The following PPP2R3B variants were observed in gnomAD, a reference collection of about 807,000 sequenced individuals.
PPP2R3B encodes serine/threonine-protein phosphatase 2A regulatory subunit B'' subunit beta.
Under a neutral mutation model 72.9 loss-of-function variants are expected in PPP2R3B, and 68 were observed. The ratio of observed to expected loss-of-function variants is 0.93; its 90% CI spans 0.77 to 1.14. PPP2R3B has a LOEUF of 1.14. Among genes scored for constraint, PPP2R3B ranks in the 50% most tolerant of loss-of-function variants. The pLI, the probability that PPP2R3B is intolerant of heterozygous loss-of-function variation, is 0.00. For synonymous variants in PPP2R3B, 466 were observed against 375.8 expected (o/e 1.24, Z -2.78); for missense variants, 1,018 against 842.0 (o/e 1.21, Z -2.59).
At chrX:346,639 G>C in intron 5 of PPP2R3B, 62 bp downstream of exon 5, 1 of 1,491,270 alleles carries the variant, frequency 6.7e-7, no homozygotes, top group Non-Finnish European at 9.2e-7. Flanking sequence ...GCCCCGCGGC[G>C]GCCGCTGCAG....
intron 1 of PPP2R3B, among the ~76,000 whole-genome samples, chrX:364,658 C>A (rs1233781651): frequency 7.7e-6 from 1 of 129,800 alleles, no homozygotes; most frequent in Non-Finnish European, 1.6e-5. Flanking sequence ...GCGGAGGTTG[C>A]AGTGAGCTGA....
chrX:335,499 C>T (rs189616336), intron 12 of PPP2R3B: 246 of 152,324 alleles, frequency 1.6e-3, no homozygotes, highest in Non-Finnish European at 2.9e-3. Context: ...AGGAATCGGA[C>T]GGGGCGGCTG....
chrX:346,422 C>A (rs1291996664), intron 5 of PPP2R3B, 162 bp from the exon 6 acceptor site: 1 of 695,738 alleles, frequency 1.4e-6, no homozygotes. Context: ...GGAGGCGCCG[C>A]CCCAGGCCGC....
intron 1 of PPP2R3B, chrX:362,423 A>G (rs1422452792): frequency 6.6e-6 from 1 of 152,530 alleles, no homozygotes; most frequent in East Asian, 1.9e-4. Context: ...ACCATCAACT[A>G]CTGAAGGGAC....
chrX:371,190 C>T (rs753210559), intron 1 of PPP2R3B, among the ~76,000 whole-genome samples: 7 of 152,206 alleles, frequency 4.6e-5, no homozygotes, highest in African/African-American at 7.2e-5. Flanking sequence ...AGCAGCTGCA[C>T]GGCCCCACTC....
At chrX:384,280 CTCTATA>C (rs1026646260) in intron 1 of PPP2R3B, among the ~76,000 whole-genome samples, 16 of 146,284 alleles carry the variant, frequency 1.1e-4, no homozygotes, top group South Asian at 2.1e-4. Context: ...CTCTCTCTCT[CTCTATA>C]TATATATATA....
chrX:382,329 C>G (rs1210010168), intron 1 of PPP2R3B, among the ~76,000 whole-genome samples: 1 of 151,850 alleles, frequency 6.6e-6, no homozygotes, highest in Non-Finnish European at 1.5e-5. Context: ...TCCAGAGTAG[C>G]TGGGATTACA....
At chrX:377,885 C>T (rs1453408230) in intron 1 of PPP2R3B, among the ~76,000 whole-genome samples, 1 of 107,554 alleles carries the variant, frequency 9.3e-6, no homozygotes, top group Non-Finnish European at 1.9e-5. Context: ...TGTCTATACA[C>T]TACTGTGTAC....
chrX:368,337 A>G (rs28437615), intron 1 of PPP2R3B, among the ~76,000 whole-genome samples: 8,370 of 46,870 alleles, frequency 0.18, 735 homozygotes, highest in African/African-American at 0.19. Flanking sequence ...GGGCACCGAC[A>G]CGGGGAAGGC....
Position 338,728 on chromosome X carries a change from G to GT in PPP2R3B, c.1471-19dup. The GT allele has an allele frequency of 6.2e-7, 1 of 1,611,742 alleles. No individual in the cohort carries two copies. The highest frequency in any genetic ancestry group is 8.5e-7 in the Non-Finnish European group (1 of 1,179,470). ...TCACCGTCCTGGAGGAAGCACACGG[G>GT]TTACGTACACGGCGTGGCGCGGCCC... is the stretch of plus-strand genomic sequence containing the variant. On this transcript the variant is annotated intron_variant, in intron 11 of 12. Coordinates refer to ENST00000390665, the MANE Select transcript of PPP2R3B (RefSeq NM_013239.5).
intron 7 of PPP2R3B, 141 bp downstream of exon 7, chrX:345,375 A>T: frequency 1.7e-6 from 2 of 1,176,424 alleles, no homozygotes. Flanking sequence ...CTGCAGACAC[A>T]GAGCGGCGAG....
Position 386,768 on chromosome X carries a change from G to C in PPP2R3B, c.-77C>G. 1.0e-6 allele frequency: 1 copy of C among 961,484 alleles called. No homozygotes were observed. The highest frequency in any genetic ancestry group is 1.3e-6 in the Non-Finnish European group (1 of 761,244). The allele number at this position is 961,484 out of a possible 1,614,324, so 59.6% of individuals were successfully genotyped here. On this transcript the variant is annotated 5_prime_UTR_variant, in exon 1 of 13. Transcript: ENST00000390665. ...CGGGGGCTTCGGTCCGCCCCGGACC[G>C]ACCTCGGTGATGCGAGCACGGCCCG...
chrX:378,821 G>A (rs1316033270), intron 1 of PPP2R3B, among the ~76,000 whole-genome samples: 1 of 152,186 alleles, frequency 6.6e-6, no homozygotes, highest in African/African-American at 2.4e-5. Flanking sequence ...TGAATAGGTC[G>A]TTGTTACGAA....
intron 1 of PPP2R3B, among the ~76,000 whole-genome samples, chrX:370,755 G>A (rs2071842129): frequency 6.6e-6 from 1 of 152,208 alleles, no homozygotes; most frequent in African/African-American, 2.4e-5. Context: ...GGTGACCACT[G>A]GCCTTGGGAG....
intron 1 of PPP2R3B, among the ~76,000 whole-genome samples, chrX:385,718 CTG>C (rs1197927495): frequency 2.6e-5 from 4 of 152,094 alleles, no homozygotes; most frequent in East Asian, 3.9e-4. Flanking sequence ...GGAAGTCCAA[CTG>C]TGTTTGCGCC....
chrX:362,833 G>A (rs2071570182), intron 1 of PPP2R3B, among the ~76,000 whole-genome samples: 1 of 151,682 alleles, frequency 6.6e-6, no homozygotes, highest in Non-Finnish European at 1.5e-5. Context: ...GGGTCCCACA[G>A]ACAGCACCCC....
Position 334,420 on chromosome X carries a change from C to G in PPP2R3B, c.1675G>C (p.Ala559Pro), listed in dbSNP as rs138636974. 6.3e-7 allele frequency: 1 copy of G among 1,591,600 alleles called. No individual in the cohort carries two copies. Among genetic ancestry groups the G allele is most frequent in the East Asian group, 2.3e-5 (1 of 44,134 alleles). ...CATGCGTACTCGTACAGGTCCACGG[C>G]GCCCAGCGGTGAGGGCGCCTCGAAG... ...PFFEAPSPLG[A>P]VDLYEYACGD... Residue 559 changes from alanine (A) to proline (P), a missense_variant, in exon 13 of 13, where the codon GCC (alanine) becomes CCC (proline). Coordinates refer to ENST00000390665, the MANE Select transcript of PPP2R3B (RefSeq NM_013239.5).
intron 1 of PPP2R3B, among the ~76,000 whole-genome samples, chrX:366,756 G>A (rs1276511033): frequency 8.9e-6 from 1 of 111,950 alleles, no homozygotes; most frequent in South Asian, 3.0e-4. Context: ...CCAGCTACTT[G>A]AGAGGCTGAG....
chrX:337,705 A>G (rs6603204), intron 12 of PPP2R3B: 110,339 of 152,212 alleles, frequency 0.72, 40,628 homozygotes, highest in Middle Eastern at 0.83. Context: ...GCTTCTCACC[A>G]CAGCCAGCTC....
Sources: gnomAD v4.1 joint callset for allele counts (sites outside exome capture counted in the v4.1 genomes callset) on GRCh38, gnomAD v4.1.1 for gene constraint, MANE v1.5 for transcripts, NCBI Gene and HGNC (gene_info 2026-07-23, HGNC 2026-07-21) for gene names.